Variants in ZNF595 observed in about 807,000 individuals in gnomAD.
The protein encoded by ZNF595 is zinc finger protein 595.
Under a neutral mutation model 19.4 loss-of-function variants are expected in ZNF595, and 9 were observed. The ratio of observed to expected loss-of-function variants is 0.46; its 90% CI spans 0.28 to 0.81. ZNF595 has a LOEUF of 0.81. Among genes scored for constraint, ZNF595 ranks in the 30% least tolerant of loss-of-function variants. The probability of loss-of-function intolerance (pLI) is 0.11; values close to 1 mark genes in which losing one functional copy is unlikely to be tolerated. For synonymous variants in ZNF595, 255 were observed against 255.9 expected (o/e 1.00, Z 0.03); for missense variants, 729 against 736.0 (o/e 0.99, Z 0.11).
rs782707175 is a variant in ZNF595, at chr4:86,173, T to G, written c.669T>G (p.Thr223=). The G allele has an allele frequency of 8.2e-5, 133 of 1,613,822 alleles. No homozygotes were observed. Among genetic ancestry groups the G allele is most frequent in the Non-Finnish European group, 1.1e-4 (129 of 1,179,968 alleles). Residue 223 remains threonine, a synonymous_variant, in exon 4 of 4, where the codon ACT becomes ACG. Coordinates refer to ENST00000610261, the MANE Select transcript of ZNF595 (RefSeq NM_182524.4). ...TSLSKHKRIH[T]GEKPYTCEEC... The stretch of plus-strand genomic sequence containing the variant: ...TTAGTAAACATAAGAGAATTCATAC[T>G]GGAGAGAAACCCTACACATGTGAAG...
chr4:77,498 G>C lies in ZNF595; in HGVS notation c.227-8233G>C, dbSNP rs569920253. 3.6e-4 allele frequency among the ~76,000 whole-genome samples: 55 copies of C among 152,150 alleles called. 1 individual carries two copies. The South Asian group carries it at 0.011, about 31-fold the overall frequency. On this transcript the variant is annotated intron_variant, in intron 3 of 3. Coordinates refer to ENST00000610261, the MANE Select transcript of ZNF595 (RefSeq NM_182524.4). Reference sequence around the variant, plus strand: ...TTTATTATCTGTGAAGCCTTATTTTGATGTCCTTGCATCTGAAGGAGCAAA... The same window carrying C: ...TTTATTATCTGTGAAGCCTTATTTTCATGTCCTTGCATCTGAAGGAGCAAA...
chr4:77,138 T>C (rs574799033), intron 3 of ZNF595, among the ~76,000 whole-genome samples: 6 of 152,044 alleles, frequency 3.9e-5, no homozygotes, highest in South Asian at 4.1e-4. Flanking sequence ...TTTCATTCTT[T>C]TTTTTTTTAA....
chr4:77,200 A>G (rs1713703726), intron 3 of ZNF595, among the ~76,000 whole-genome samples: 1 of 149,882 alleles, frequency 6.7e-6, no homozygotes, highest in Non-Finnish European at 1.5e-5. Context: ...TTTTTTCTGT[A>G]TAACTGTCTC....
chr4:69,193 G>A (rs1391638154), intron 3 of ZNF595, among the ~76,000 whole-genome samples: 1 of 152,204 alleles, frequency 6.6e-6, no homozygotes, highest in African/African-American at 2.4e-5. Context: ...CTTGGCTAAT[G>A]TGAACACTGC....
intron 3 of ZNF595, among the ~76,000 whole-genome samples, chr4:69,886 G>A (rs1713355241): frequency 6.6e-6 from 1 of 152,162 alleles, no homozygotes; most frequent in African/African-American, 2.4e-5. Flanking sequence ...TTTTCTTGCA[G>A]TAGTTTCATA....
Position 86,030 on chromosome 4 carries a change from A to G in ZNF595, c.526A>G (p.Thr176Ala). The G allele has an allele frequency of 6.2e-7, 1 of 1,610,188 alleles. No homozygotes were observed. The highest frequency in any genetic ancestry group is 8.5e-7 in the Non-Finnish European group (1 of 1,177,722). ...RHTGEKPFKC[T>A]ECGRSFYMSH... is the part of the protein sequence containing the mutation. Reference sequence around the variant, plus strand: ...TACTGGAGAGAAACCCTTTAAATGTACAGAATGTGGCAGATCGTTTTACAT... The same window carrying G: ...TACTGGAGAGAAACCCTTTAAATGTGCAGAATGTGGCAGATCGTTTTACAT... The change falls in exon 4 of 4, where the codon ACA (threonine) becomes GCA (alanine). Residue 176 changes from threonine (T) to alanine (A), a missense_variant. This residue lies in a region of ZNF595 where 729 missense variants were observed against 675.3 expected (regional missense o/e 1.08). Coordinates refer to ENST00000610261, the MANE Select transcript of ZNF595 (RefSeq NM_182524.4).
At chr4:69,114 C>T (rs1369187111) in intron 3 of ZNF595, among the ~76,000 whole-genome samples, 5 of 152,096 alleles carry the variant, frequency 3.3e-5, no homozygotes, top group South Asian at 2.1e-4. Flanking sequence ...AAAAGTACTC[C>T]GTTGTGTATT....
chr4:64,115 G>A (rs1404668773), intron 3 of ZNF595, among the ~76,000 whole-genome samples: 1,517 of 117,718 alleles, frequency 0.013, no homozygotes, highest in African/African-American at 0.034. Flanking sequence ...ATAATTATGC[G>A]TATATACAAA....
intron 3 of ZNF595, among the ~76,000 whole-genome samples, chr4:82,371 G>GTTTTTTTTTTTTTTTTTTT (rs1560092266): frequency 1.0e-5 from 1 of 97,712 alleles, no homozygotes; most frequent in African/African-American, 3.7e-5. Context: ...TTTGGTTTGT[G>GTTTTTTTTTTTTTTTTTTT]GTTTTTTTTT....
intron 3 of ZNF595, among the ~76,000 whole-genome samples, chr4:69,663 CAT>C (rs1553797586): frequency 2.0e-5 from 3 of 152,070 alleles, no homozygotes; most frequent in East Asian, 1.9e-4. Flanking sequence ...GCAGTTTGCA[CAT>C]GTTTTCTCTA....
intron 3 of ZNF595, among the ~76,000 whole-genome samples, chr4:61,236 C>A (rs1382540745): frequency 1.3e-5 from 2 of 152,312 alleles, no homozygotes; most frequent in Admixed American, 6.5e-5. Context: ...TCACTGCAAC[C>A]TCTGCTGCCC....
In ZNF595 at chr4:87,377, T is replaced by C. The variant is rs781819688; in HGVS notation, c.1873T>C (p.Cys625Arg). The C allele has an allele frequency of 7.8e-5, 126 of 1,613,532 alleles. No homozygotes were observed. The highest frequency in any genetic ancestry group is 1.1e-4 in the Non-Finnish European group (125 of 1,179,758). Residue 625 changes from cysteine to arginine, a missense_variant, in exon 4 of 4, where the codon TGT becomes CGT. Physicochemically the swap from Cys to Arg is radical, Grantham distance 180. This residue lies in a region of ZNF595 where 729 missense variants were observed against 675.3 expected (regional missense o/e 1.08). Transcript: ENST00000610261. ...TGEKSYKCEE[C>R]GKAFNRPSTL... Reference sequence around the variant, plus strand: ...AGAGAAATCCTACAAATGTGAAGAATGTGGCAAAGCTTTTAATCGGCCCTC... The same window carrying C: ...AGAGAAATCCTACAAATGTGAAGAACGTGGCAAAGCTTTTAATCGGCCCTC...
At chr4:69,071 C>G (rs1312775746) in intron 3 of ZNF595, among the ~76,000 whole-genome samples, 1 of 152,194 alleles carries the variant, frequency 6.6e-6, no homozygotes, top group Non-Finnish European at 1.5e-5. Flanking sequence ...CATGTTGTTG[C>G]AAATGACAGG....
Position 85,916 on chromosome 4 carries a change from T to A in ZNF595, c.412T>A (p.Ser138Thr). 6.2e-7 allele frequency: 1 copy of A among 1,613,922 alleles called. No individual in the cohort carries two copies. The highest frequency in any genetic ancestry group is 8.5e-7 in the Non-Finnish European group (1 of 1,179,870). Residue 138 changes from serine to threonine, a missense_variant, in exon 4 of 4, where the codon TCA becomes ACA. Ser to Thr is a moderately conservative substitution (Grantham distance 58, BLOSUM62 1). This residue lies in a region of ZNF595 where 729 missense variants were observed against 675.3 expected (regional missense o/e 1.08). Transcript: ENST00000610261. ...TAATAATGGAGTTTACCAGTGCTTG[T>A]CAACTACCCAGAGCAAAATATTTCA... ...GVNNGVYQCL[S>T]TTQSKIFQCN...
chr4:84,922 G>A (rs1469712798), intron 3 of ZNF595, among the ~76,000 whole-genome samples: 1 of 152,046 alleles, frequency 6.6e-6, no homozygotes, highest in East Asian at 1.9e-4. Context: ...TTTCTGAAAA[G>A]TTTTAAATTT....
chr4:86,342 G>A lies in ZNF595; in HGVS notation c.838G>A (p.Gly280Arg). 1.2e-6 allele frequency: 2 copies of A among 1,613,888 alleles called. No individual in the cohort carries two copies. The highest frequency in any genetic ancestry group is 4.5e-5 in the East Asian group (2 of 44,846). The change falls in exon 4 of 4, where the codon GGA becomes AGA. Residue 280 changes from glycine to arginine, a missense_variant. Gly to Arg is a moderately radical substitution (Grantham distance 125, BLOSUM62 -2). This residue lies in a region of ZNF595 where 729 missense variants were observed against 675.3 expected (regional missense o/e 1.08). Transcript: ENST00000610261. Reference protein sequence around the residue: ...TLNEHKKIHTGEKPYKCKECG... With the variant: ...TLNEHKKIHTREKPYKCKECG... ...GAATGAACACAAGAAAATTCATACTGGAGAGAAACCCTACAAATGTAAAGA... is the reference window on the plus strand; with the variant it reads ...GAATGAACACAAGAAAATTCATACTAGAGAGAAACCCTACAAATGTAAAGA...
At chr4:80,274 C>T (rs1713849024) in intron 3 of ZNF595, among the ~76,000 whole-genome samples, 1 of 152,192 alleles carries the variant, frequency 6.6e-6, no homozygotes, top group South Asian at 2.1e-4. Context: ...CCGCCTCGGC[C>T]TCCCAAAGTG....
chr4:70,237 A>C (rs1454082090), intron 3 of ZNF595, among the ~76,000 whole-genome samples: 1 of 152,108 alleles, frequency 6.6e-6, no homozygotes, highest in African/African-American at 2.4e-5. Flanking sequence ...TTGAGTCTCT[A>C]ATCCATTTTG....
rs529016293 is a variant in ZNF595, at chr4:72,757, A to G, written c.226+12604A>G. Among the ~76,000 whole-genome samples, 35 of 152,318 alleles carry G rather than the reference A, an allele frequency of 2.3e-4. No individual in the cohort carries two copies. The South Asian group carries it at 7.0e-3, about 31-fold the overall frequency. On this transcript the variant is annotated intron_variant, in intron 3 of 3. Transcript: ENST00000610261. ...TGAACATAAGTGCTGAGTTTGAGGA[A>G]TTCTGCTGGATTCTTCAAACACTGA... is the stretch of plus-strand genomic sequence containing the variant.
Sources: allele counts gnomAD v4.1 joint callset (sites outside exome capture counted in the v4.1 genomes callset), GRCh38; gene constraint gnomAD v4.1.1; regional missense constraint gnomAD v4.1.1; transcripts MANE v1.5; gene names NCBI Gene and HGNC (gene_info 2026-07-23, HGNC 2026-07-21).